KRT25: variants seen among roughly 807,000 people sequenced by gnomAD.
KRT25 encodes keratin, type I cytoskeletal 25.
Under a neutral mutation model 47.6 loss-of-function variants are expected in KRT25, and 37 were observed. That is an observed-to-expected ratio of 0.78 (90% confidence interval 0.60 to 1.02). The LOEUF is 1.02. KRT25 is among the 50% of genes least tolerant of loss of function. The pLI is 0.00. For missense variants in KRT25, 542 were observed against 550.3 expected (o/e 0.98, Z 0.15); for synonymous variants, 203 against 210.2 (o/e 0.97, Z 0.30).
chr17:40,755,347 GTT>G, upstream of KRT25: 1 of 1,438,300 alleles, frequency 7.0e-7, no homozygotes, highest in Non-Finnish European at 9.4e-7. Flanking sequence ...AAAAGGTTTG[GTT>G]TGCCTTTTTA....
At chr17:40,750,674 T>G (rs1444345595) in intron 5 of KRT25, 77 bp from the exon 6 acceptor site, 3 of 1,580,618 alleles carry the variant, frequency 1.9e-6, no homozygotes, top group Non-Finnish European at 2.6e-6. Context: ...GATTTTCTCC[T>G]GCTGTTAACT....
Position 40,751,014 on chromosome 17 carries a change from C to A in KRT25, c.897G>T (p.Leu299=). The A allele has an allele frequency of 2.5e-6, 4 of 1,614,146 alleles. No individual in the cohort carries two copies. The highest frequency in any genetic ancestry group is 2.5e-6 in the Non-Finnish European group (3 of 1,180,038). Residue 299 remains leucine (L), a synonymous_variant, in exon 5 of 8, where the codon CTG becomes CTT. Coordinates refer to ENST00000312150, the MANE Select transcript of KRT25 (RefSeq NM_181534.4). ...TTTGAAGAGTGCGCTTCATTTCAGT[C>A]AGCTCATTCCGGGCTGAGGTTGTGG... ...VGATTSARNE[L]TEMKRTLQTL...
Position 40,752,123 on chromosome 17 carries a change from C to T in KRT25, c.670-797G>A, listed in dbSNP as rs566804405. 5.9e-5 allele frequency among the ~76,000 whole-genome samples: 9 copies of T among 152,144 alleles called. No homozygotes were observed. The South Asian group carries it at 1.5e-3, about 25-fold the overall frequency. On this transcript the variant is annotated intron_variant, in intron 3 of 7. Transcript: ENST00000312150. ...TGAAAATTGAGGATAATTAAAAACC[C>T]TTCTCTGAGTTGTTAAAAGAAGTCA...
chr17:40,751,547 TTA>T (rs1447736198), intron 3 of KRT25, among the ~76,000 whole-genome samples: 18 of 152,224 alleles, frequency 1.2e-4, no homozygotes, highest in African/African-American at 4.3e-4. Context: ...TGGGAGAGTT[TTA>T]ATTGTTCCAG....
chr17:40,752,464 G>A lies in KRT25; in HGVS notation c.670-1138C>T, dbSNP rs1017454077. Among the ~76,000 whole-genome samples the A allele has an allele frequency of 4.6e-5, 7 of 152,230 alleles. No individual in the cohort carries two copies. The South Asian group carries it at 6.2e-4, about 14-fold the overall frequency. On this transcript the variant is annotated intron_variant, in intron 3 of 7. Transcript: ENST00000312150. ...TAAGGCTTTCATTCCTCCCTGCAGC[G>A]AGCCCCTCAGCCATTCCAGCCTTCT...
At position 40,750,360 on chromosome 17, in the gene KRT25, A is replaced by G; in HGVS notation, c.1175+20T>C. ...CAGATTTCAGTATATTACGCCATCTATGCAGATTATTTTACCTACCCATCA... is the reference window on the plus strand; with the variant it reads ...CAGATTTCAGTATATTACGCCATCTGTGCAGATTATTTTACCTACCCATCA... On this transcript the variant is annotated intron_variant, in intron 6 of 7. Coordinates refer to ENST00000312150, the MANE Select transcript of KRT25 (RefSeq NM_181534.4). The G allele has an allele frequency of 1.9e-6, 3 of 1,610,962 alleles. No individual in the cohort carries two copies. Among genetic ancestry groups the G allele is most frequent in the East Asian group, 4.5e-5 (2 of 44,868 alleles).
chr17:40,755,101 G>A lies in KRT25; in HGVS notation c.171C>T (p.Asn57=). ...SAFGGSSSGG[N]TGGGNPCAGF... ...CAGCACAGGGATTACCTCCCCCTGT[G>A]TTTCCTCCCGATGAGCTGCCTCCGA... is the stretch of plus-strand genomic sequence containing the variant. Residue 57 remains asparagine, a synonymous_variant, in exon 1 of 8, where the codon AAC becomes AAT. Transcript: ENST00000312150. The A allele has an allele frequency of 6.2e-7, 1 of 1,614,130 alleles. No homozygotes were observed. The highest frequency in any genetic ancestry group is 8.5e-7 in the Non-Finnish European group (1 of 1,179,996).
intron 2 of KRT25, 75 bp from the exon 3 acceptor site, chr17:40,754,091 A>G (rs1341962295): frequency 1.4e-6 from 2 of 1,401,590 alleles, no homozygotes; most frequent in Admixed American, 3.8e-5. Flanking sequence ...TCAATGACAA[A>G]TGCTAGCATT....
At chr17:40,749,167 A>G (rs2038023327) in intron 7 of KRT25, 91 bp downstream of exon 7, 1 of 934,216 alleles carries the variant, frequency 1.1e-6, no homozygotes. Flanking sequence ...GTGTTTACCT[A>G]TGTAACAAAC....
intron 3 of KRT25, 84 bp from the exon 4 acceptor site, chr17:40,751,410 T>C: frequency 7.0e-7 from 1 of 1,434,416 alleles, no homozygotes; most frequent in Admixed American, 2.6e-5. Context: ...GCACTTAGAG[T>C]TCGTCTGGTT....
chr17:40,751,451 C>T, intron 3 of KRT25, 125 bp from the exon 4 acceptor site: 1 of 1,015,676 alleles, frequency 9.8e-7, no homozygotes, highest in Non-Finnish European at 1.4e-6. Context: ...TTGACCCCCT[C>T]CCACCACATT....
rs1464711767 is a variant in KRT25 at position 40,748,228 on chromosome 17, C to T, written c.*49G>A. On this transcript the variant is annotated 3_prime_UTR_variant, in exon 8 of 8. Coordinates refer to ENST00000312150, the MANE Select transcript of KRT25 (RefSeq NM_181534.4). ...ATTTTTCTGGACAGATACATAATGCCTTTTCTTCGCAGGGGCTATGTGGCA... is the reference window on the plus strand; with the variant it reads ...ATTTTTCTGGACAGATACATAATGCTTTTTCTTCGCAGGGGCTATGTGGCA... The T allele has an allele frequency of 1.6e-6, 2 of 1,255,364 alleles. No homozygotes were observed. Among genetic ancestry groups the T allele is most frequent in the Non-Finnish European group, 2.3e-6 (2 of 879,730 alleles). 77.8% of individuals were successfully genotyped at this position (1,255,364 alleles called of 1,614,324 possible). A position where few individuals can be genotyped will look rare whatever the true frequency, so the allele number is the denominator to read the frequency against.
intron 6 of KRT25, 102 bp from the exon 7 acceptor site, chr17:40,749,427 C>CCCAGTATT (rs1184581458): frequency 4.7e-6 from 4 of 853,940 alleles, no homozygotes; most frequent in Non-Finnish European, 7.8e-6. Context: ...AACTGTGTAA[C>CCCAGTATT]CCAGTATTTG....
In KRT25 at chr17:40,750,366, A is replaced by G; in HGVS notation, c.1175+14T>C. 6.2e-7 allele frequency: 1 copy of G among 1,613,278 alleles called. No individual in the cohort carries two copies. The highest frequency in any genetic ancestry group is 1.1e-5 in the South Asian group (1 of 91,064). On this transcript the variant is annotated intron_variant, in intron 6 of 7. Coordinates refer to ENST00000312150, the MANE Select transcript of KRT25 (RefSeq NM_181534.4). ...TCAGTATATTACGCCATCTATGCAG[A>G]TTATTTTACCTACCCATCATCTCCT... is the stretch of plus-strand genomic sequence containing the variant.
rs1597790838 is a variant in KRT25 at position 40,748,351 on chromosome 17, C to T, written c.1279G>A (p.Glu427Lys). The change falls in exon 8 of 8, where the codon GAG (glutamate) becomes AAG (lysine). Residue 427 changes from glutamate to lysine, a missense_variant. Coordinates refer to ENST00000312150, the MANE Select transcript of KRT25 (RefSeq NM_181534.4). ...ATTTTGCTGCGTTGGTCTACCTCCT[C>T]AAGAACTTTCTTAACCACTATGGCT... Reference protein sequence around the residue: ...AKAIVVKKVLEEVDQRSKILT... With the variant: ...AKAIVVKKVLKEVDQRSKILT... 1 of 1,612,832 alleles carries T rather than the reference C, an allele frequency of 6.2e-7. No individual in the cohort carries two copies. The highest frequency in any genetic ancestry group is 1.7e-5 in the Admixed American group (1 of 59,854).
Position 40,755,114 on chromosome 17 carries a change from G to A in KRT25, c.158C>T (p.Ser53Leu), listed in dbSNP as rs762526125. 1.9e-6 allele frequency: 3 copies of A among 1,614,170 alleles called. No homozygotes were observed. The highest frequency in any genetic ancestry group is 4.5e-5 in the East Asian group (2 of 44,884). Reference sequence around the variant, plus strand: ...ACCTCCCCCTGTGTTTCCTCCCGATGAGCTGCCTCCGAAGGCACTAGAGAA... The same window carrying A: ...ACCTCCCCCTGTGTTTCCTCCCGATAAGCTGCCTCCGAAGGCACTAGAGAA... The part of the protein sequence containing the change: ...SGFSSAFGGS[S>L]SGGNTGGGNP... Residue 53 changes from serine (S) to leucine (L), a missense_variant, in exon 1 of 8, where the codon TCA becomes TTA. Physicochemically the swap from Ser to Leu is moderately radical, Grantham distance 145. Coordinates refer to ENST00000312150, the MANE Select transcript of KRT25 (RefSeq NM_181534.4).
chr17:40,753,980 C>T lies in KRT25; in HGVS notation c.549G>A (p.Glu183=). 5 of 1,614,042 alleles carry T rather than the reference C, an allele frequency of 3.1e-6. No homozygotes were observed. The highest frequency in any genetic ancestry group is 4.2e-6 in the Non-Finnish European group (5 of 1,179,980). ...ENELALHQSV[E]ADVNGLRRVL... is the part of the protein sequence containing the mutation. ...CTCTTCGTAACCCATTGACATCAGC[C>T]TCTACACTCTGGTGAAGAGCCAGCT... is the stretch of plus-strand genomic sequence containing the variant. Residue 183 remains glutamate, a synonymous_variant, in exon 3 of 8, where the codon GAG becomes GAA. Transcript: ENST00000312150.
intron 6 of KRT25, among the ~76,000 whole-genome samples, chr17:40,749,776 C>T (rs946488771): frequency 2.6e-5 from 3 of 116,506 alleles, no homozygotes; most frequent in African/African-American, 9.7e-5. Flanking sequence ...TAGGCAATTA[C>T]AAGATACTTT....
At position 40,748,040 on chromosome 17, in the gene KRT25, T is replaced by G. The variant is rs1417278580; in HGVS notation, c.*237A>C. 7 of 343,454 alleles carry G rather than the reference T, an allele frequency of 2.0e-5. No individual in the cohort carries two copies. The highest frequency in any genetic ancestry group is 2.6e-5 in the Non-Finnish European group (5 of 192,466). The allele number at this position is 343,454 out of a possible 1,614,324, so 21.3% of individuals were successfully genotyped here. ...CAATGATAACTTGCTAAAGAAGAGG[T>G]TTATTGAATACAAAGAATTGACAAC... On this transcript the variant is annotated 3_prime_UTR_variant, in exon 8 of 8. Transcript: ENST00000312150.
Sources: allele counts gnomAD v4.1 joint callset (sites outside exome capture counted in the v4.1 genomes callset), GRCh38; gene constraint gnomAD v4.1.1; transcripts MANE v1.5; gene names NCBI Gene and HGNC (gene_info 2026-07-23, HGNC 2026-07-21).